Variants in CHST14 observed in about 807,000 individuals in gnomAD.
The protein encoded by CHST14 is carbohydrate (N-acetylgalactosamine 4-0) sulfotransferase 14.
CHST14 carries 13 observed loss-of-function variants against 22.7 expected under a neutral mutation model. The observed-to-expected ratio is 0.57, with a 90% confidence interval of 0.37 to 0.91. CHST14 has a LOEUF of 0.91. Among genes scored for constraint, CHST14 ranks in the 40% least tolerant of loss-of-function variants. CHST14 has a pLI of 0.01. For synonymous variants in CHST14, 233 were observed against 231.9 expected (o/e 1.00, Z -0.04); for missense variants, 466 against 513.1 (o/e 0.91, Z 0.89).
rs750869813 is a variant in CHST14 at position 40,471,563 on chromosome 15, G to A, written c.350G>A (p.Cys117Tyr). Residue 117 changes from cysteine (C) to tyrosine (Y), a missense_variant, in exon 1 of 1, where the codon TGC (cysteine) becomes TAC (tyrosine). Physicochemically the swap from Cys to Tyr is radical, Grantham distance 194. Coordinates refer to ENST00000306243, the MANE Select transcript of CHST14 (RefSeq NM_130468.4). This position sits in a 1 kb window ranked among gnomAD's most constrained non-coding sequence, Gnocchi z 6.4. ...DVRNRTLRAV[C>Y]GQPGMPRDPW... is the part of the protein sequence containing the mutation. ...CGGAACAGGACCCTGCGGGCGGTGT[G>A]CGGACAGCCAGGCATGCCCCGGGAC... is the stretch of plus-strand genomic sequence containing the variant. 2 of 1,607,280 alleles carry A rather than the reference G, an allele frequency of 1.2e-6. No homozygotes were observed. The highest frequency in any genetic ancestry group is 2.2e-5 in the East Asian group (1 of 44,766).
At position 40,472,514 on chromosome 15, in the gene CHST14, C is replaced by A; in HGVS notation, c.*170C>A. The A allele has an allele frequency of 1.4e-6, 1 of 714,356 alleles. No homozygotes were observed. The highest frequency in any genetic ancestry group is 2.3e-6 in the Non-Finnish European group (1 of 425,852). 44.3% of individuals were successfully genotyped at this position (714,356 alleles called of 1,614,324 possible). A position where few individuals can be genotyped will look rare whatever the true frequency, so the allele number is the denominator to read the frequency against. On this transcript the variant is annotated 3_prime_UTR_variant, in exon 1 of 1. Transcript: ENST00000306243. ...TGTCCAGGGTGGGCACCCACAGTGACTCAGAGGACAGGGCTAGGCAGGAGA... is the reference window on the plus strand; with the variant it reads ...TGTCCAGGGTGGGCACCCACAGTGAATCAGAGGACAGGGCTAGGCAGGAGA...
At position 40,471,870 on chromosome 15, in the gene CHST14, C is replaced by G. The variant is rs1315502748; in HGVS notation, c.657C>G (p.Leu219=). ...FLFVREPLER[L]LSAYRNKFGE... is the part of the protein sequence containing the mutation. Reference sequence around the variant, plus strand: ...TTGTGCGGGAGCCCTTGGAACGCCTCCTCTCTGCCTACCGCAACAAGTTTG... The same window carrying G: ...TTGTGCGGGAGCCCTTGGAACGCCTGCTCTCTGCCTACCGCAACAAGTTTG... The change falls in exon 1 of 1, where the codon CTC becomes CTG. Residue 219 remains leucine, a synonymous_variant. Transcript: ENST00000306243. The surrounding 1 kb of genome is among the most constrained non-coding windows in gnomAD (Gnocchi z 6.4). 2 of 1,613,926 alleles carry G rather than the reference C, an allele frequency of 1.2e-6. No individual in the cohort carries two copies. Among genetic ancestry groups the G allele is most frequent in the East Asian group, 2.2e-5 (1 of 44,880 alleles).
At position 40,471,447 on chromosome 15, in the gene CHST14, C is replaced by G. The variant is rs1894344592; in HGVS notation, c.234C>G (p.Arg78=). The change falls in exon 1 of 1, where the codon CGC becomes CGG. Residue 78 remains arginine, a synonymous_variant. Transcript: ENST00000306243. The surrounding 1 kb of genome is among the most constrained non-coding windows in gnomAD (Gnocchi z 6.4). ...CCCTGCCCCTGCACCCGCCCGGCCG[C>G]GAGGGCACAGCCTGGCGCGGGAAAG... ...MKPLPLHPPG[R]EGTAWRGKAP... The G allele has an allele frequency of 6.3e-7, 1 of 1,578,366 alleles. No homozygotes were observed. The highest frequency in any genetic ancestry group is 1.8e-5 in the Admixed American group (1 of 55,430).
Position 40,472,065 on chromosome 15 carries a change from C to T in CHST14, c.852C>T (p.His284=), listed in dbSNP as rs779293299. 5 of 1,614,104 alleles carry T rather than the reference C, an allele frequency of 3.1e-6. No individual in the cohort carries two copies. The highest frequency in any genetic ancestry group is 4.2e-6 in the Non-Finnish European group (5 of 1,180,046). ...RMNEHWMPVY[H]LCQPCAVHYD... is the part of the protein sequence containing the mutation. ...ATGAGCATTGGATGCCCGTGTACCA[C>T]CTGTGCCAGCCTTGTGCCGTGCACT... Residue 284 remains histidine (H), a synonymous_variant, in exon 1 of 1, where the codon CAC becomes CAT. Coordinates refer to ENST00000306243, the MANE Select transcript of CHST14 (RefSeq NM_130468.4).
Position 40,471,250 on chromosome 15 carries a change from A to C in CHST14, c.37A>C (p.Asn13His). ...CCCGCTGACCCCGCTGGCGGCCCCAAATGGCGCCGAGCCCCTGGGCCGGGC... is the reference window on the plus strand; with the variant it reads ...CCCGCTGACCCCGCTGGCGGCCCCACATGGCGCCGAGCCCCTGGGCCGGGC... ...PRPLTPLAAP[N>H]GAEPLGRALR... The change falls in exon 1 of 1, where the codon AAT (asparagine) becomes CAT (histidine). Residue 13 changes from asparagine to histidine, a missense_variant. Coordinates refer to ENST00000306243, the MANE Select transcript of CHST14 (RefSeq NM_130468.4). This position sits in a 1 kb window ranked among gnomAD's most constrained non-coding sequence, Gnocchi z 6.4. 1 of 1,452,738 alleles carries C rather than the reference A, an allele frequency of 6.9e-7. No homozygotes were observed. The highest frequency in any genetic ancestry group is 9.0e-7 in the Non-Finnish European group (1 of 1,112,544). 90.0% of individuals were successfully genotyped at this position (1,452,738 alleles called of 1,614,324 possible).
chr15:40,471,944 G>A lies in CHST14; in HGVS notation c.731G>A (p.Arg244Gln). Reference protein sequence around the residue: ...QQRYGAEIVRRYRAGAGPSPA... With the variant: ...QQRYGAEIVRQYRAGAGPSPA... ...CGCTATGGGGCTGAGATAGTGAGGC[G>A]GTACAGGGCTGGAGCGGGGCCCAGC... Residue 244 changes from arginine (R) to glutamine (Q), a missense_variant, in exon 1 of 1, where the codon CGG becomes CAG. By Grantham distance (43) the Arg-to-Gln change is conservative (BLOSUM62 1). Transcript: ENST00000306243. This position sits in a 1 kb window ranked among gnomAD's most constrained non-coding sequence, Gnocchi z 6.4. The A allele has an allele frequency of 1.2e-6, 2 of 1,614,088 alleles. No homozygotes were observed. Among genetic ancestry groups the A allele is most frequent in the Non-Finnish European group, 1.7e-6 (2 of 1,180,034 alleles).
Position 40,471,174 on chromosome 15 carries a change from G to A in CHST14, c.-40G>A. ...GAGCCCGCCTTCCAGGCCGCCCTCG[G>A]ATCGGCCGGGCCCGCGCAGGCCCCC... On this transcript the variant is annotated 5_prime_UTR_variant, in exon 1 of 1. Transcript: ENST00000306243. This position sits in a 1 kb window ranked among gnomAD's most constrained non-coding sequence, Gnocchi z 6.4. 2 of 1,275,474 alleles carry A rather than the reference G, an allele frequency of 1.6e-6. No individual in the cohort carries two copies. The highest frequency in any genetic ancestry group is 2.3e-5 in the South Asian group (1 of 44,272). The allele number at this position is 1,275,474 out of a possible 1,614,324, so 79.0% of individuals were successfully genotyped here. A position where few individuals can be genotyped will look rare whatever the true frequency, so the allele number is the denominator to read the frequency against.
rs780337527 is a variant in CHST14, at chr15:40,471,642, A to T, written c.429A>T (p.Val143=). The change falls in exon 1 of 1, where the codon GTA becomes GTT. Residue 143 remains valine, a synonymous_variant. Transcript: ENST00000306243. This position sits in a 1 kb window ranked among gnomAD's most constrained non-coding sequence, Gnocchi z 6.4. ...GCACCCTGCTGCGCCACATCCTCGT[A>T]AGTGACCGTTACCGCTTCCTCTACT... ...QRRTLLRHIL[V]SDRYRFLYCY... 5.6e-6 allele frequency: 9 copies of T among 1,613,250 alleles called. No homozygotes were observed. Among genetic ancestry groups the T allele is most frequent in the Non-Finnish European group, 7.6e-6 (9 of 1,179,976 alleles).
In CHST14 at chr15:40,471,426, GC is replaced by G; in HGVS notation, c.217del (p.Leu73CysfsTer71). 1 of 1,561,608 alleles carries G rather than the reference GC, an allele frequency of 6.4e-7. No homozygotes were observed. On this transcript the variant is annotated frameshift_variant, in exon 1 of 1. Coordinates refer to ENST00000306243, the MANE Select transcript of CHST14 (RefSeq NM_130468.4). LOFTEE classifies it high-confidence loss of function. The surrounding 1 kb of genome is among the most constrained non-coding windows in gnomAD (Gnocchi z 6.4). ...GCATCCTGGCCGAGATGAAGCCCCTGCCCCTGCACCCGCCCGGCCGCGAGGG... is the reference window on the plus strand; with the variant it reads ...GCATCCTGGCCGAGATGAAGCCCCTGCCCTGCACCCGCCCGGCCGCGAGGG... ...RGILAEMKPLPLHPPGREGTA... is the reference protein window; with the variant it reads ...RGILAEMKPLXLHPPGREGTA...
rs771561630 is a variant in CHST14 at position 40,472,370 on chromosome 15, T to TG, written c.*30dup. The TG allele has an allele frequency of 7.6e-6, 12 of 1,578,320 alleles. No homozygotes were observed. In the Admixed American group the frequency reaches 1.6e-4, roughly 21 times the overall value. On this transcript the variant is annotated 3_prime_UTR_variant, in exon 1 of 1. Coordinates refer to ENST00000306243, the MANE Select transcript of CHST14 (RefSeq NM_130468.4). Reference sequence around the variant, plus strand: ...CCATGGGTGTGGGGCCAGCAGCTGGTGGGGACTGGTTTCAACGCCAGCTTT... The same window carrying TG: ...CCATGGGTGTGGGGCCAGCAGCTGGTGGGGGACTGGTTTCAACGCCAGCTTT...
rs746790348 is a variant in CHST14 at position 40,471,790 on chromosome 15, G to T, written c.577G>T (p.Asp193Tyr). The T allele has an allele frequency of 1.9e-6, 3 of 1,613,646 alleles. No homozygotes were observed. The South Asian group carries it at 3.3e-5, about 18-fold the overall frequency. Residue 193 changes from aspartate to tyrosine, a missense_variant, in exon 1 of 1, where the codon GAC becomes TAC. Coordinates refer to ENST00000306243, the MANE Select transcript of CHST14 (RefSeq NM_130468.4). The surrounding 1 kb of genome is among the most constrained non-coding windows in gnomAD (Gnocchi z 6.4). ...DHRSDLVFLADLRPEEIRYRL... is the reference protein window; with the variant it reads ...DHRSDLVFLAYLRPEEIRYRL... ...CCGCAGTGACCTGGTGTTCCTGGCC[G>T]ACCTGCGGCCTGAGGAGATTCGCTA... is the stretch of plus-strand genomic sequence containing the variant.
chr15:40,472,623 T>TTTTTTAATGATACGG lies in CHST14; in HGVS notation c.*279_*280insTTTTTAATGATACGG. The TTTTTTAATGATACGG allele has an allele frequency of 4.4e-6, 2 of 455,624 alleles. No homozygotes were observed. Among genetic ancestry groups the TTTTTTAATGATACGG allele is most frequent in the South Asian group, 3.8e-5 (1 of 26,250 alleles). The allele number at this position is 455,624 out of a possible 1,614,324, so 28.2% of individuals were successfully genotyped here. Reference sequence around the variant, plus strand: ...CAACACATCTGATCTAAAGACTGGCTCCAGACCCCGGGCTGCCAGGATTAT... The same window carrying TTTTTTAATGATACGG: ...CAACACATCTGATCTAAAGACTGGCTTTTTTAATGATACGGCCAGACCCCGGGCTGCCAGGATTAT... On this transcript the variant is annotated 3_prime_UTR_variant, in exon 1 of 1. Coordinates refer to ENST00000306243, the MANE Select transcript of CHST14 (RefSeq NM_130468.4).
At position 40,471,482 on chromosome 15, in the gene CHST14, C is replaced by T; in HGVS notation, c.269C>T (p.Pro90Leu). 1 of 1,599,164 alleles carries T rather than the reference C, an allele frequency of 6.3e-7. No homozygotes were observed. The highest frequency in any genetic ancestry group is 8.5e-7 in the Non-Finnish European group (1 of 1,176,800). Residue 90 changes from proline to leucine, a missense_variant, in exon 1 of 1, where the codon CCT becomes CTT. Transcript: ENST00000306243. This position sits in a 1 kb window ranked among gnomAD's most constrained non-coding sequence, Gnocchi z 6.4. ...GCCTGGCGCGGGAAAGCCCCCAAGC[C>T]TGGGGGCCTGTCCCTCAGGGCTGGG... Reference protein sequence around the residue: ...GTAWRGKAPKPGGLSLRAGDA... With the variant: ...GTAWRGKAPKLGGLSLRAGDA...
Position 40,471,410 on chromosome 15 carries a change from C to A in CHST14, c.197C>A (p.Ala66Asp). The A allele has an allele frequency of 6.4e-7, 1 of 1,557,976 alleles. No homozygotes were observed. Among genetic ancestry groups the A allele is most frequent in the South Asian group, 1.2e-5 (1 of 85,720 alleles). ...CTCATGATCGAGCGGGGCATCCTGG[C>A]CGAGATGAAGCCCCTGCCCCTGCAC... ...LLLMIERGIL[A>D]EMKPLPLHPP... The change falls in exon 1 of 1, where the codon GCC becomes GAC. Residue 66 changes from alanine (A) to aspartate (D), a missense_variant. Coordinates refer to ENST00000306243, the MANE Select transcript of CHST14 (RefSeq NM_130468.4). The surrounding 1 kb of genome is among the most constrained non-coding windows in gnomAD (Gnocchi z 6.4).
chr15:40,472,141 C>A lies in CHST14; in HGVS notation c.928C>A (p.Leu310Met), dbSNP rs760499375. ...GCTGGAGGCTGATGCAAATCAGGTG[C>A]TGGAGTGGGTACGGGCACCACCTCA... ...ERLEADANQV[L>M]EWVRAPPHVR... Residue 310 changes from leucine (L) to methionine (M), a missense_variant, in exon 1 of 1, where the codon CTG (leucine) becomes ATG (methionine). Coordinates refer to ENST00000306243, the MANE Select transcript of CHST14 (RefSeq NM_130468.4). 6.2e-7 allele frequency: 1 copy of A among 1,614,024 alleles called. No individual in the cohort carries two copies. The highest frequency in any genetic ancestry group is 8.5e-7 in the Non-Finnish European group (1 of 1,180,030).
In CHST14 at chr15:40,472,565, T is replaced by G; in HGVS notation, c.*221T>G. On this transcript the variant is annotated 3_prime_UTR_variant, in exon 1 of 1. Coordinates refer to ENST00000306243, the MANE Select transcript of CHST14 (RefSeq NM_130468.4). Reference sequence around the variant, plus strand: ...CCTGCTGCTCCTCATTGGGGGGATCTCTTGGGGGGCAGACACCAGTTTGCC... The same window carrying G: ...CCTGCTGCTCCTCATTGGGGGGATCGCTTGGGGGGCAGACACCAGTTTGCC... The G allele has an allele frequency of 1.7e-6, 1 of 576,112 alleles. No homozygotes were observed. 35.7% of individuals were successfully genotyped at this position (576,112 alleles called of 1,614,324 possible).
rs1445518659 is a variant in CHST14, at chr15:40,471,047, C to T, written c.-167C>T. 8.3e-6 allele frequency: 3 copies of T among 360,856 alleles called. No homozygotes were observed. Among genetic ancestry groups the T allele is most frequent in the African/African-American group, 4.3e-5 (2 of 46,798 alleles). The allele number at this position is 360,856 out of a possible 1,614,324, so 22.4% of individuals were successfully genotyped here. On this transcript the variant is annotated 5_prime_UTR_variant, in exon 1 of 1. Transcript: ENST00000306243. The surrounding 1 kb of genome is among the most constrained non-coding windows in gnomAD (Gnocchi z 6.4). ...CCGCCGCCCGCCGCCCGCTTCGGCG[C>T]CGCAGCCCGGGAGCCGGCCACCCCT... is the stretch of plus-strand genomic sequence containing the variant.
Position 40,471,536 on chromosome 15 carries a change from T to C in CHST14, c.323T>C (p.Val108Ala), listed in dbSNP as rs1894346559. ...GCGGACTTGCAAGTGCGGCAGGACG[T>C]CCGGAACAGGACCCTGCGGGCGGTG... The part of the protein sequence containing the change: ...GDADLQVRQD[V>A]RNRTLRAVCG... The change falls in exon 1 of 1, where the codon GTC (valine) becomes GCC (alanine). Residue 108 changes from valine to alanine, a missense_variant. Coordinates refer to ENST00000306243, the MANE Select transcript of CHST14 (RefSeq NM_130468.4). The surrounding 1 kb of genome is among the most constrained non-coding windows in gnomAD (Gnocchi z 6.4). The C allele has an allele frequency of 6.2e-7, 1 of 1,602,538 alleles. No individual in the cohort carries two copies. The highest frequency in any genetic ancestry group is 1.7e-5 in the Admixed American group (1 of 59,780).
rs1462144847 is a variant in CHST14, at chr15:40,472,762, C to T, written c.*418C>T. 1 of 205,546 alleles carries T rather than the reference C, an allele frequency of 4.9e-6. No individual in the cohort carries two copies. The highest frequency in any genetic ancestry group is 1.1e-5 in the Non-Finnish European group (1 of 91,264). The allele number at this position is 205,546 out of a possible 1,614,324, so 12.7% of individuals were successfully genotyped here. On this transcript the variant is annotated 3_prime_UTR_variant, in exon 1 of 1. Coordinates refer to ENST00000306243, the MANE Select transcript of CHST14 (RefSeq NM_130468.4). Reference sequence around the variant, plus strand: ...CTGTGGCTCTGATCCCCCATTTATCCACCCCATGTGCCTCAGGACTAGAGT... The same window carrying T: ...CTGTGGCTCTGATCCCCCATTTATCTACCCCATGTGCCTCAGGACTAGAGT...
Sources: gnomAD v4.1 joint callset for allele counts on GRCh38, gnomAD v4.1.1 for gene constraint, Gnocchi (gnomAD v3.1) non-coding constraint, MANE v1.5 for transcripts, NCBI Gene and HGNC (gene_info 2026-07-23, HGNC 2026-07-21) for gene names.